CRPPA: variants seen among roughly 807,000 people sequenced by gnomAD.
The protein encoded by CRPPA is CDP-L-ribitol pyrophosphorylase A.
In CRPPA, 43 loss-of-function variants were observed where a neutral mutation model predicts 52.0. The observed-to-expected ratio is 0.83, with a 90% CI of 0.65 to 1.07. The LOEUF is 1.07. Among genes scored for constraint, CRPPA ranks in the 50% least tolerant of loss-of-function variants. CRPPA has a pLI of 0.00. For missense variants in CRPPA, 629 were observed against 551.7 expected (o/e 1.14, Z -1.40); for synonymous variants, 250 against 203.5 (o/e 1.23, Z -1.94).
At chr7:16,233,926 G>A (rs1212429983) in intron 8 of CRPPA, among the ~76,000 whole-genome samples, 1 of 151,860 alleles carries the variant, frequency 6.6e-6, no homozygotes, top group Non-Finnish European at 1.5e-5. Context: ...CAGGCTGCTG[G>A]GTCCGTTTAA....
At chr7:16,347,352 T>C (rs923876260) in intron 3 of CRPPA, among the ~76,000 whole-genome samples, 3 of 152,154 alleles carry the variant, frequency 2.0e-5, no homozygotes, top group Non-Finnish European at 4.4e-5. Context: ...AGTATATCTT[T>C]GTCCTATTTC....
intron 4 of CRPPA, among the ~76,000 whole-genome samples, chr7:16,308,026 C>A (rs1343391225): frequency 5.9e-5 from 9 of 151,894 alleles, no homozygotes; most frequent in Non-Finnish European, 1.3e-4. Context: ...TGGGAGGTGA[C>A]TGGATCGTGG....
intron 8 of CRPPA, among the ~76,000 whole-genome samples, chr7:16,235,430 C>T (rs1366374813): frequency 2.0e-5 from 3 of 152,034 alleles, no homozygotes; most frequent in Admixed American, 6.6e-5. Flanking sequence ...TAGGTCATTT[C>T]AGATTGAAAA....
chr7:16,374,061 A>C (rs1786817627), intron 3 of CRPPA, among the ~76,000 whole-genome samples: 1 of 152,114 alleles, frequency 6.6e-6, no homozygotes, highest in Non-Finnish European at 1.5e-5. Context: ...ATTAGATTAA[A>C]GGATGCCTAA....
chr7:16,209,978 A>G (rs954621266), intron 9 of CRPPA, among the ~76,000 whole-genome samples: 3 of 152,162 alleles, frequency 2.0e-5, no homozygotes, highest in African/African-American at 7.2e-5. Context: ...CTTTAATAAA[A>G]ATTAGAAAAT....
intron 9 of CRPPA, among the ~76,000 whole-genome samples, chr7:16,207,103 A>G (rs932330049): frequency 6.6e-6 from 1 of 152,176 alleles, no homozygotes; most frequent in African/African-American, 2.4e-5. Context: ...ATTCTCAGAG[A>G]CTATAAACAC....
At chr7:16,114,728 T>C (rs180811516) in intron 9 of CRPPA, among the ~76,000 whole-genome samples, 3 of 152,024 alleles carry the variant, frequency 2.0e-5, no homozygotes, top group South Asian at 4.1e-4. Flanking sequence ...TCCTGAAATA[T>C]GAAAGACAAC....
intron 9 of CRPPA, among the ~76,000 whole-genome samples, chr7:16,096,284 A>G (rs1398378705): frequency 6.6e-6 from 1 of 152,118 alleles, no homozygotes; most frequent in East Asian, 1.9e-4. Flanking sequence ...TGCAGAAAAA[A>G]AAACACCCAT....
intron 3 of CRPPA, among the ~76,000 whole-genome samples, chr7:16,340,407 C>T (rs554009464): frequency 6.6e-6 from 1 of 151,850 alleles, no homozygotes; most frequent in East Asian, 1.9e-4. Flanking sequence ...AAGAAAACAG[C>T]CCAAATAAAA....
rs1212097051 is a variant in CRPPA at position 16,286,021 on chromosome 7, A to T, written c.836-7795T>A. Among the ~76,000 whole-genome samples, 5 of 16,138 alleles carry T rather than the reference A, an allele frequency of 3.1e-4. No homozygotes were observed. The Admixed American group carries it at 3.6e-3, about 12-fold the overall frequency. The allele number at this position is 16,138 out of a possible 152,430, so 10.6% of individuals were successfully genotyped here. A position where few individuals can be genotyped will look rare whatever the true frequency, so the allele number is the denominator to read the frequency against. ...GGCAGTAAGAGTGAAACTCCATCTC[A>T]AAAAAAAAAAAAAAAAAATATAAAT... is the stretch of plus-strand genomic sequence containing the variant. On this transcript the variant is annotated intron_variant, in intron 5 of 9. Coordinates refer to ENST00000407010, the MANE Select transcript of CRPPA (RefSeq NM_001101426.4).
chr7:16,121,676 G>C (rs984297367), intron 9 of CRPPA, among the ~76,000 whole-genome samples: 1 of 152,060 alleles, frequency 6.6e-6, no homozygotes, highest in East Asian at 1.9e-4. Flanking sequence ...TTCTCTTATA[G>C]TTTATATTGT....
At chr7:16,163,230 T>G (rs1454837036) in intron 9 of CRPPA, among the ~76,000 whole-genome samples, 1 of 152,092 alleles carries the variant, frequency 6.6e-6, no homozygotes, top group Non-Finnish European at 1.5e-5. Context: ...TGCCTCAGCC[T>G]CCCAAAGTGC....
intron 3 of CRPPA, among the ~76,000 whole-genome samples, chr7:16,370,955 C>G (rs1786732906): frequency 6.6e-6 from 1 of 152,188 alleles, no homozygotes; most frequent in South Asian, 2.1e-4. Context: ...CAATTCCTCC[C>G]TACTTGGAAC....
chr7:16,183,318 CAA>C (rs980744232), intron 9 of CRPPA, among the ~76,000 whole-genome samples: 2 of 152,130 alleles, frequency 1.3e-5, no homozygotes, highest in Non-Finnish European at 2.9e-5. Context: ...CTGCATAGCC[CAA>C]GTTTCTGCTT....
chr7:16,190,493 A>T (rs1245061752), intron 9 of CRPPA, among the ~76,000 whole-genome samples: 1 of 152,224 alleles, frequency 6.6e-6, no homozygotes, highest in Non-Finnish European at 1.5e-5. Flanking sequence ...GCTTCGCTGT[A>T]TAACTGAAAA....
chr7:16,196,396 C>T (rs1781735267), intron 9 of CRPPA, among the ~76,000 whole-genome samples: 1 of 152,148 alleles, frequency 6.6e-6, no homozygotes, highest in Non-Finnish European at 1.5e-5. Flanking sequence ...TGTCTTCTTT[C>T]CATACTCTAT....
intron 9 of CRPPA, among the ~76,000 whole-genome samples, chr7:16,118,885 G>A (rs1782429787): frequency 6.6e-6 from 1 of 152,136 alleles, no homozygotes; most frequent in African/African-American, 2.4e-5. Context: ...GGGATACGAA[G>A]CCTGGGCAGT....
chr7:16,353,851 CA>C (rs5882569), intron 3 of CRPPA, among the ~76,000 whole-genome samples: 121,777 of 150,358 alleles, frequency 0.81, 49,413 homozygotes, highest in Non-Finnish European at 0.84. Context: ...CTCCATCTCA[CA>C]AAAAAAAAAA....
rs145623839 is a variant in CRPPA, at chr7:16,187,396, A to G, written c.1251+28670T>C. Among the ~76,000 whole-genome samples the G allele has an allele frequency of 4.2e-3, 640 of 152,344 alleles. 7 individuals carry two copies. The highest frequency in any genetic ancestry group is 0.015 in the African/African-American group (615 of 41,584). ...ATATTTACAGTTTTCTGTTTAGACAAAAAGACATTTTATTAGCATTTCAAT... is the reference window on the plus strand; with the variant it reads ...ATATTTACAGTTTTCTGTTTAGACAGAAAGACATTTTATTAGCATTTCAAT... On this transcript the variant is annotated intron_variant, in intron 9 of 9. Transcript: ENST00000407010.
Sources: allele counts gnomAD v4.1 joint callset (sites outside exome capture counted in the v4.1 genomes callset), GRCh38; gene constraint gnomAD v4.1.1; transcripts MANE v1.5; gene names NCBI Gene and HGNC (gene_info 2026-07-23, HGNC 2026-07-21).